The following LYPLAL1 variants were observed in gnomAD, a reference collection of about 807,000 sequenced individuals.
LYPLAL1 encodes lysophospholipase-like protein 1.
In LYPLAL1, 23 loss-of-function variants were observed where a neutral mutation model predicts 19.7. The ratio of observed to expected loss-of-function variants is 1.17; its 90% CI spans 0.84 to 1.65. The LOEUF (loss-of-function observed/expected upper bound fraction) is 1.65. Among genes scored for constraint, LYPLAL1 ranks in the 40% most tolerant of loss-of-function variants. LYPLAL1 has a pLI of 0.00. For missense variants in LYPLAL1, 355 were observed against 279.4 expected (o/e 1.27, Z -1.93); for synonymous variants, 119 against 96.3 (o/e 1.24, Z -1.38).
the LYPLAL1 span, among the ~76,000 whole-genome samples, chr1:219,279,370 T>G: frequency 1.3e-5 from 2 of 152,220 alleles, no homozygotes; most frequent in African/African-American, 2.4e-5. Flanking sequence ...AATGCCCAGA[T>G]GAACTGAGGT....
the LYPLAL1 span, among the ~76,000 whole-genome samples, chr1:219,376,918 A>G: frequency 1.3e-5 from 2 of 152,200 alleles, no homozygotes; most frequent in African/African-American, 2.4e-5. Context: ...GGAAAACAGT[A>G]TGGTGGTTCC....
chr1:219,408,623 G>A, the LYPLAL1 span, among the ~76,000 whole-genome samples: 7 of 152,020 alleles, frequency 4.6e-5, no homozygotes, highest in Non-Finnish European at 8.8e-5. Flanking sequence ...GGGCTGGGGG[G>A]GTGGTTCGAG....
chr1:219,260,144 G>C, the LYPLAL1 span, among the ~76,000 whole-genome samples: 2 of 151,846 alleles, frequency 1.3e-5, no homozygotes, highest in Non-Finnish European at 2.9e-5. Context: ...AAAGTTTAAA[G>C]GTTAAGATGG....
At chr1:219,291,724 A>G in the LYPLAL1 span, among the ~76,000 whole-genome samples, 1 of 151,946 alleles carries the variant, frequency 6.6e-6, no homozygotes, top group Non-Finnish European at 1.5e-5. Context: ...TCTTCTATGC[A>G]CCTAGATTAG....
chr1:219,432,013 A>G, the LYPLAL1 span, among the ~76,000 whole-genome samples: 4 of 152,254 alleles, frequency 2.6e-5, no homozygotes, highest in South Asian at 8.3e-4. Flanking sequence ...ATGCTCATTG[A>G]TAGCAACTAT....
chr1:219,205,934 G>T (rs906557807), intron 3 of LYPLAL1, among the ~76,000 whole-genome samples: 2 of 152,156 alleles, frequency 1.3e-5, no homozygotes, highest in Non-Finnish European at 2.9e-5. Context: ...AGTTTTGTAT[G>T]AGAGGAGATA....
chr1:219,342,760 T>A, the LYPLAL1 span, among the ~76,000 whole-genome samples: 6,429 of 152,260 alleles, frequency 0.042, 331 homozygotes, highest in East Asian at 0.28. Flanking sequence ...GTGTTGAAAC[T>A]AGATTATTTT....
chr1:219,375,365 C>T, the LYPLAL1 span, among the ~76,000 whole-genome samples: 12 of 151,972 alleles, frequency 7.9e-5, no homozygotes, highest in South Asian at 4.2e-4. Flanking sequence ...ACTCAGGAGG[C>T]TGAGGCAGGA....
At chr1:219,192,364 T>C (rs1320337732) in intron 2 of LYPLAL1, among the ~76,000 whole-genome samples, 1 of 151,706 alleles carries the variant, frequency 6.6e-6, no homozygotes, top group Non-Finnish European at 1.5e-5. Context: ...GAAAGAATCC[T>C]GTGTCTGGGT....
At chr1:219,307,829 T>C in the LYPLAL1 span, among the ~76,000 whole-genome samples, 5 of 152,342 alleles carry the variant, frequency 3.3e-5, no homozygotes, top group South Asian at 1.0e-3. Flanking sequence ...CTCCTTATTT[T>C]TTCTTGCCGC....
At chr1:219,437,611 C>G in the LYPLAL1 span, among the ~76,000 whole-genome samples, 1 of 152,030 alleles carries the variant, frequency 6.6e-6, no homozygotes, top group African/African-American at 2.4e-5. Flanking sequence ...GGAAATGTTT[C>G]AGTAGATATT....
intron 1 of LYPLAL1, among the ~76,000 whole-genome samples, chr1:219,175,719 C>T (rs1655757363): frequency 1.3e-5 from 2 of 151,992 alleles, no homozygotes; most frequent in Admixed American, 6.6e-5. Flanking sequence ...TAAATAAAAC[C>T]TTATTGGGAG....
At chr1:219,315,614 C>T in the LYPLAL1 span, among the ~76,000 whole-genome samples, 5 of 152,074 alleles carry the variant, frequency 3.3e-5, no homozygotes, top group African/African-American at 9.7e-5. Context: ...TTTCCTTGAA[C>T]CCCAAACACA....
the LYPLAL1 span, among the ~76,000 whole-genome samples, chr1:219,315,038 T>A: frequency 2.0e-4 from 30 of 152,132 alleles, no homozygotes; most frequent in African/African-American, 6.7e-4. Flanking sequence ...GTGTGTATGT[T>A]TTGAGGAGGG....
chr1:219,360,047 C>G, the LYPLAL1 span, among the ~76,000 whole-genome samples: 1 of 152,164 alleles, frequency 6.6e-6, no homozygotes, highest in African/African-American at 2.4e-5. Flanking sequence ...CGAAACAGCA[C>G]AAATCAGTAA....
the LYPLAL1 span, among the ~76,000 whole-genome samples, chr1:219,278,110 T>G: frequency 6.6e-6 from 1 of 152,246 alleles, no homozygotes; most frequent in Non-Finnish European, 1.5e-5. Flanking sequence ...ATCCTCATTT[T>G]TCACATAAGA....
chr1:219,244,923 A>C, the LYPLAL1 span, among the ~76,000 whole-genome samples: 13 of 150,744 alleles, frequency 8.6e-5, no homozygotes, highest in African/African-American at 2.9e-4. Context: ...AAAAAAAAAA[A>C]AAAACAAAAA....
intron 3 of LYPLAL1, among the ~76,000 whole-genome samples, chr1:219,195,375 G>T (rs1428693440): frequency 6.6e-6 from 1 of 151,988 alleles, no homozygotes; most frequent in Non-Finnish European, 1.5e-5. Flanking sequence ...GTCTGAAGTG[G>T]TGTGGTGGCA....
the LYPLAL1 span, among the ~76,000 whole-genome samples, chr1:219,230,019 A>T: frequency 1.3e-5 from 2 of 152,338 alleles, no homozygotes; most frequent in South Asian, 4.1e-4. Flanking sequence ...AGTCACGTAA[A>T]TAAAAATAAG....
Sources: allele counts gnomAD v4.1 joint callset (sites outside exome capture counted in the v4.1 genomes callset), GRCh38; gene constraint gnomAD v4.1.1; transcripts MANE v1.5; gene names NCBI Gene and HGNC (gene_info 2026-07-23, HGNC 2026-07-21).